Variants in PDE10A observed in about 807,000 individuals in gnomAD.
PDE10A encodes the protein cAMP and cAMP-inhibited cGMP 3',5'-cyclic phosphodiesterase 10A.
In PDE10A, 39 loss-of-function variants were observed where a neutral mutation model predicts 97.7. That is an observed-to-expected ratio of 0.40 (90% CI 0.31 to 0.52). The LOEUF (loss-of-function observed/expected upper bound fraction) is 0.52. Ranked by LOEUF, PDE10A falls within the 20% of genes least tolerant of loss-of-function variation. The pLI is 0.56. For synonymous variants in PDE10A, 371 were observed against 376.8 expected (o/e 0.98, Z 0.18); for missense variants, 731 against 1,047.8 (o/e 0.70, Z 4.17).
intron 1 of PDE10A, among the ~76,000 whole-genome samples, chr6:165,708,192 C>G (rs914663051): frequency 7.9e-5 from 12 of 152,268 alleles, no homozygotes; most frequent in African/African-American, 2.9e-4. Flanking sequence ...TGCAGAGCCC[C>G]GGTCAGGTCA....
chr6:165,724,719 A>G (rs904047478), intron 1 of PDE10A, among the ~76,000 whole-genome samples: 1 of 152,240 alleles, frequency 6.6e-6, no homozygotes, highest in African/African-American at 2.4e-5. Flanking sequence ...AATGAGGTTT[A>G]CTTATATGAT....
Position 165,582,262 on chromosome 6 carries a change from T to C in PDE10A, c.866-38694A>G, listed in dbSNP as rs1411986588. Among the ~76,000 whole-genome samples, 3 of 152,162 alleles carry C rather than the reference T, an allele frequency of 2.0e-5. No homozygotes were observed. The East Asian group carries it at 5.8e-4, about 29-fold the overall frequency. On this transcript the variant is annotated intron_variant, in intron 1 of 21. Transcript: ENST00000539869. ...AGCATATTTCTCTATGTAGGCTGTT[T>C]TGAGTAGTCACTATGGAGCTTAATG...
chr6:165,879,926 G>T (rs1165676569), intron 1 of PDE10A, among the ~76,000 whole-genome samples: 1 of 150,226 alleles, frequency 6.7e-6, no homozygotes, highest in African/African-American at 2.5e-5. Flanking sequence ...GAATTCTCGG[G>T]GGGGGACACT....
chr6:165,691,880 C>T (rs1181946591), intron 1 of PDE10A, among the ~76,000 whole-genome samples: 1 of 152,210 alleles, frequency 6.6e-6, no homozygotes, highest in African/African-American at 2.4e-5. Flanking sequence ...TCATCTTACG[C>T]TTTTCACCCA....
At chr6:165,848,044 A>C (rs1211880878) in intron 1 of PDE10A, among the ~76,000 whole-genome samples, 2 of 152,090 alleles carry the variant, frequency 1.3e-5, no homozygotes, top group African/African-American at 4.8e-5. Flanking sequence ...ATATTGCCAC[A>C]TTGAGTTTTG....
chr6:165,734,578 C>T (rs1245394364), intron 1 of PDE10A, among the ~76,000 whole-genome samples: 1 of 151,970 alleles, frequency 6.6e-6, no homozygotes, highest in Non-Finnish European at 1.5e-5. Context: ...AATAAAAATA[C>T]AGTTACTAAA....
At chr6:165,954,406 A>C (rs555778013) in intron 1 of PDE10A, among the ~76,000 whole-genome samples, 1 of 152,344 alleles carries the variant, frequency 6.6e-6, no homozygotes, top group African/African-American at 2.4e-5. Context: ...ACACACACTC[A>C]CATGGACACT....
At chr6:165,668,707 G>T (rs1158465927) in intron 1 of PDE10A, among the ~76,000 whole-genome samples, 2 of 143,876 alleles carry the variant, frequency 1.4e-5, no homozygotes, top group Non-Finnish European at 3.0e-5. Context: ...AAGGAAGAAA[G>T]AAAAGAAAGA....
In PDE10A at chr6:165,396,358, C is replaced by T; in HGVS notation, c.2178G>A (p.Met726Ile). 1 of 1,613,502 alleles carries T rather than the reference C, an allele frequency of 6.2e-7. No homozygotes were observed. Among genetic ancestry groups the T allele is most frequent in the Non-Finnish European group, 8.5e-7 (1 of 1,179,630 alleles). ...AGAGACGCACGGGAAGGGTGAATTG[C>T]ATGAGACCTTGCCACTCTTCTGAAG... ...ICTSEEWQGLMQFTLPVRLCK... is the reference protein window; with the variant it reads ...ICTSEEWQGLIQFTLPVRLCK... Residue 726 changes from methionine (M) to isoleucine (I), a missense_variant, in exon 14 of 22, where the codon ATG becomes ATA. Physicochemically the swap from Met to Ile is conservative, Grantham distance 10. Transcript: ENST00000539869.
At chr6:165,645,717 G>A (rs1789359639) in intron 1 of PDE10A, among the ~76,000 whole-genome samples, 1 of 151,926 alleles carries the variant, frequency 6.6e-6, no homozygotes. Flanking sequence ...AGCTGGGTTT[G>A]GTGGTGTGCA....
rs373176051 is a variant in PDE10A at position 165,711,560 on chromosome 6, G to T, written c.-614-167992C>A. Among the ~76,000 whole-genome samples the T allele has an allele frequency of 2.6e-5, 4 of 152,154 alleles. No homozygotes were observed. Among genetic ancestry groups the T allele is most frequent in the Non-Finnish European group, 5.9e-5 (4 of 68,028 alleles). On this transcript the variant is annotated intron_variant, in intron 1 of 19. Transcript: ENST00000366882. This position sits in a 1 kb window ranked among gnomAD's most constrained non-coding sequence, Gnocchi z 4.5. ...TTTTAGTTCAGTTAGTTCAGCCTGC[G>T]CTTTCTAGATCCTCCAGCCAGGCCC...
In PDE10A at chr6:165,631,881, C is replaced by T. The variant is rs117192807; in HGVS notation, c.865+30066G>A. On this transcript the variant is annotated intron_variant, in intron 1 of 21. Transcript: ENST00000539869. ...TGCCTATTCCTCAAGGTGACAGTGA[C>T]ATAACTGAAAAATATTGTTTTAAAG... Among the ~76,000 whole-genome samples, 574 of 152,210 alleles carry T rather than the reference C, an allele frequency of 3.8e-3. 4 individuals are homozygous for T. Among genetic ancestry groups the T allele is most frequent in the Non-Finnish European group, 6.2e-3 (420 of 68,002 alleles).
At chr6:165,954,791 G>A in intron 1 of PDE10A, among the ~76,000 whole-genome samples, 1 of 152,114 alleles carries the variant, frequency 6.6e-6, no homozygotes, top group African/African-American at 2.4e-5. Context: ...CTCACTAGCT[G>A]GGCCCTGTCC....
chr6:165,593,524 C>T (rs1786407675), intron 1 of PDE10A, among the ~76,000 whole-genome samples: 1 of 152,074 alleles, frequency 6.6e-6, no homozygotes, highest in Non-Finnish European at 1.5e-5. Flanking sequence ...TCAAAAGCAG[C>T]ACAAATACGG....
intron 3 of PDE10A, among the ~76,000 whole-genome samples, chr6:165,477,635 C>T (rs1395504909): frequency 6.6e-6 from 1 of 152,136 alleles, no homozygotes; most frequent in Non-Finnish European, 1.5e-5. Context: ...CATTTCCACA[C>T]TCAGCATTTC....
intron 1 of PDE10A, among the ~76,000 whole-genome samples, chr6:165,892,339 C>G (rs1161555133): frequency 6.6e-6 from 1 of 152,192 alleles, no homozygotes; most frequent in Non-Finnish European, 1.5e-5. Context: ...TCTTCATTCC[C>G]CAGCACTCTC....
chr6:165,922,278 A>G (rs571896430), intron 1 of PDE10A, among the ~76,000 whole-genome samples: 2 of 152,082 alleles, frequency 1.3e-5, no homozygotes, highest in South Asian at 2.1e-4. Context: ...AGACAGCAGG[A>G]CTCCTGTGGC....
intron 13 of PDE10A, among the ~76,000 whole-genome samples, chr6:165,411,016 G>A (rs1787754838): frequency 9.9e-6 from 1 of 100,558 alleles, no homozygotes; most frequent in Non-Finnish European, 1.9e-5. Flanking sequence ...GAACCCGGGA[G>A]GCGGAGCTTG....
At chr6:165,926,481 G>T (rs1782938067) in intron 1 of PDE10A, among the ~76,000 whole-genome samples, 1 of 152,172 alleles carries the variant, frequency 6.6e-6, no homozygotes, top group East Asian at 1.9e-4. Context: ...TCAAACAAAA[G>T]AACAAAATGT....
Sources: gnomAD v4.1 joint callset for allele counts (sites outside exome capture counted in the v4.1 genomes callset) on GRCh38, gnomAD v4.1.1 for gene constraint, Gnocchi (gnomAD v3.1) non-coding constraint, MANE v1.5 for transcripts, NCBI Gene and HGNC (gene_info 2026-07-23, HGNC 2026-07-21) for gene names.